KDM5A: variants seen among roughly 807,000 people sequenced by gnomAD.
The protein encoded by KDM5A is lysine demethylase 5A.
KDM5A carries 42 observed loss-of-function variants against 193.5 expected under a neutral mutation model. The ratio of observed to expected loss-of-function variants is 0.22; its 90% CI spans 0.17 to 0.28. KDM5A has a LOEUF of 0.28. Ranked by LOEUF, KDM5A falls within the 10% of genes least tolerant of loss-of-function variation. The pLI is 1.00. For missense variants in KDM5A, 1,692 were observed against 2,055.1 expected (o/e 0.82, Z 3.42); for synonymous variants, 796 against 718.1 (o/e 1.11, Z -1.73).
At chr12:323,816 T>G (rs773230745) in intron 14 of KDM5A, 35 bp from the exon 15 acceptor site, 1 of 1,572,214 alleles carries the variant, frequency 6.4e-7, no homozygotes, top group Non-Finnish European at 8.8e-7. Context: ...ATCAAGTCTT[T>G]CTAGTCTTTA....
chr12:338,623 A>C (rs1269000977), intron 10 of KDM5A, among the ~76,000 whole-genome samples: 2 of 152,218 alleles, frequency 1.3e-5, no homozygotes, highest in African/African-American at 4.8e-5. Flanking sequence ...GACAGCCAAT[A>C]CAAGATGATA....
intron 19 of KDM5A, among the ~76,000 whole-genome samples, chr12:317,864 C>T (rs535587390): frequency 1.2e-4 from 19 of 152,326 alleles, no homozygotes; most frequent in Non-Finnish European, 2.1e-4. Context: ...GGGAGCTGCA[C>T]CTCTCCAGGA....
At chr12:312,495 A>C (rs937305106) in intron 20 of KDM5A, among the ~76,000 whole-genome samples, 1 of 152,334 alleles carries the variant, frequency 6.6e-6, no homozygotes, top group East Asian at 1.9e-4. Context: ...ACTGCTTAAG[A>C]GTTAAATAAC....
chr12:305,992 G>A (rs1405900733), intron 24 of KDM5A, among the ~76,000 whole-genome samples: 1 of 27,942 alleles, frequency 3.6e-5, no homozygotes, highest in Admixed American at 3.9e-4. Flanking sequence ...TTTTTTTTTT[G>A]AGACAAGGTC....
chr12:293,286 G>A (rs1943323903), intron 26 of KDM5A, 117 bp from the exon 27 acceptor site: 2 of 823,812 alleles, frequency 2.4e-6, no homozygotes, highest in African/African-American at 3.5e-5. Flanking sequence ...GTCGAACAGA[G>A]GTTACCAGAG....
In KDM5A at chr12:280,659, T is replaced by C. The variant is rs1943145966; in HGVS notation, c.*4797A>G. 1 of 233,116 alleles carries C rather than the reference T, an allele frequency of 4.3e-6. No homozygotes were observed. The highest frequency in any genetic ancestry group is 8.5e-6 in the Non-Finnish European group (1 of 117,964). 14.4% of individuals were successfully genotyped at this position (233,116 alleles called of 1,614,324 possible). ...TGAAGTAACTTGGGGTCTGAATTGG[T>C]TGTGAGCTTTAAGAAGCCAAAGAGA... is the stretch of plus-strand genomic sequence containing the variant. On this transcript the variant is annotated 3_prime_UTR_variant, in exon 28 of 28. Coordinates refer to ENST00000399788, the MANE Select transcript of KDM5A (RefSeq NM_001042603.3).
chr12:367,087 T>G (rs965077388), intron 3 of KDM5A, among the ~76,000 whole-genome samples: 1 of 152,174 alleles, frequency 6.6e-6, no homozygotes, highest in Non-Finnish European at 1.5e-5. Context: ...CATTCTATGT[T>G]TGCACAATAA....
intron 3 of KDM5A, among the ~76,000 whole-genome samples, chr12:366,364 T>C (rs1393090579): frequency 1.3e-5 from 2 of 152,140 alleles, no homozygotes; most frequent in Non-Finnish European, 2.9e-5. Context: ...CTCTGTACAG[T>C]ACGCACTGTG....
intron 1 of KDM5A, 53 bp downstream of exon 1, chr12:388,874 T>A (rs1490948774): frequency 6.3e-7 from 1 of 1,583,964 alleles, no homozygotes; most frequent in East Asian, 2.2e-5. Flanking sequence ...AAACCCAGTG[T>A]ACGGACTCCC....
At chr12:313,311 A>G (rs1006922345) in intron 19 of KDM5A, 117 bp from the exon 20 acceptor site, 13 of 1,173,592 alleles carry the variant, frequency 1.1e-5, no homozygotes, top group South Asian at 1.3e-5. Flanking sequence ...CCACAATCCT[A>G]TAAGGGAGGC....
intron 14 of KDM5A, among the ~76,000 whole-genome samples, chr12:326,637 G>A (rs546284310): frequency 2.4e-4 from 37 of 152,236 alleles, no homozygotes; most frequent in African/African-American, 7.9e-4. Flanking sequence ...CGAGGTGGAC[G>A]GATCACGAGG....
chr12:287,559 A>C (rs1402996594), intron 27 of KDM5A, among the ~76,000 whole-genome samples: 1 of 151,950 alleles, frequency 6.6e-6, no homozygotes, highest in African/African-American at 2.4e-5. Context: ...AAAGTACTGC[A>C]AGCAGTAAAA....
chr12:296,564 C>A (rs1453431547), intron 25 of KDM5A, among the ~76,000 whole-genome samples: 1 of 152,224 alleles, frequency 6.6e-6, no homozygotes, highest in East Asian at 1.9e-4. Flanking sequence ...CACCCTCCAT[C>A]TTCCAGAGTT....
At position 318,023 on chromosome 12, in the gene KDM5A, G is replaced by A. The variant is rs563761400; in HGVS notation, c.2897+83C>T. On this transcript the variant is annotated intron_variant, in intron 19 of 27. Coordinates refer to ENST00000399788, the MANE Select transcript of KDM5A (RefSeq NM_001042603.3). ...GCAAAAAAAAAAAAAGTCATTTAAT[G>A]AAATAAGCTTTTAAGTTCCTTCTTC... The A allele has an allele frequency of 4.8e-5, 49 of 1,012,460 alleles. 1 individual carries two copies. In the South Asian group the frequency reaches 6.4e-4, roughly 13 times the overall value. The allele number at this position is 1,012,460 out of a possible 1,614,324, so 62.7% of individuals were successfully genotyped here.
intron 10 of KDM5A, among the ~76,000 whole-genome samples, chr12:339,323 G>A (rs1943972249): frequency 6.6e-6 from 1 of 152,116 alleles, no homozygotes; most frequent in Non-Finnish European, 1.5e-5. Context: ...CTTTCAGAGA[G>A]TAATAAATTT....
chr12:346,939 T>C (rs1009686316), intron 10 of KDM5A, among the ~76,000 whole-genome samples: 4 of 152,046 alleles, frequency 2.6e-5, no homozygotes, highest in Non-Finnish European at 5.9e-5. Flanking sequence ...GAGAAAGAAA[T>C]AAAGGGTATT....
chr12:382,395 G>C (rs1395302565), intron 3 of KDM5A, among the ~76,000 whole-genome samples: 5 of 151,692 alleles, frequency 3.3e-5, no homozygotes. Flanking sequence ...CCCGGGAGGT[G>C]GAGGCTGCAG....
chr12:326,954 G>C lies in KDM5A; in HGVS notation c.1968+1881C>G, dbSNP rs75253881. ...CTGGTGAACTTTGAGACTTTCAAAAGTATGATGGGAACAGAATGACAATGA... is the reference window on the plus strand; with the variant it reads ...CTGGTGAACTTTGAGACTTTCAAAACTATGATGGGAACAGAATGACAATGA... On this transcript the variant is annotated intron_variant, in intron 14 of 27. Coordinates refer to ENST00000399788, the MANE Select transcript of KDM5A (RefSeq NM_001042603.3). Among the ~76,000 whole-genome samples, 106 of 150,784 alleles carry C rather than the reference G, an allele frequency of 7.0e-4. 3 individuals are homozygous for C. The East Asian group carries it at 0.02, about 28-fold the overall frequency.
In KDM5A at chr12:389,283, C is replaced by T; in HGVS notation, c.-192G>A. ...TATTGTTTCTTGCAAGGCTTTTCCA[C>T]TGAGGTTCAGGACTTTTCCGGAAGT... On this transcript the variant is annotated 5_prime_UTR_variant, in exon 1 of 28. The change creates a new upstream start codon in the 5' untranslated region. Coordinates refer to ENST00000399788, the MANE Select transcript of KDM5A (RefSeq NM_001042603.3). The T allele has an allele frequency of 5.6e-6, 4 of 717,168 alleles. 1 individual carries two copies. In the South Asian group the frequency reaches 6.0e-5, roughly 11 times the overall value. 44.4% of individuals were successfully genotyped at this position (717,168 alleles called of 1,614,324 possible).
Sources: gnomAD v4.1 joint callset for allele counts (sites outside exome capture counted in the v4.1 genomes callset) on GRCh38, gnomAD v4.1.1 for gene constraint, MANE v1.5 for transcripts, NCBI Gene and HGNC (gene_info 2026-07-23, HGNC 2026-07-21) for gene names.